The following SLC4A10 variants were observed in gnomAD, a reference collection of about 807,000 sequenced individuals.
SLC4A10 encodes the protein solute carrier family 4 member 10.
A neutral mutation model predicts 137.7 loss-of-function variants in SLC4A10; 42 were observed. That is an observed-to-expected ratio of 0.30 (90% CI 0.24 to 0.39). SLC4A10 has a LOEUF of 0.39. Among genes scored for constraint, SLC4A10 ranks in the 10% least tolerant of loss-of-function variants. The pLI is 1.00. For synonymous variants in SLC4A10, 474 were observed against 464.1 expected, an observed-to-expected ratio of 1.02 and a Z score of -0.27; for missense variants, 925 against 1,355.0, an observed-to-expected ratio of 0.68 and a Z score of 4.98.
intron 5 of SLC4A10, among the ~76,000 whole-genome samples, chr2:161,860,143 A>T (rs1028760950): frequency 1.3e-5 from 2 of 152,150 alleles, no homozygotes; most frequent in African/African-American, 4.8e-5. Context: ...AAAATGAGTA[A>T]TTTTTTCCAG....
At chr2:161,749,712 G>A (rs1394080977) in intron 1 of SLC4A10, among the ~76,000 whole-genome samples, 1 of 151,748 alleles carries the variant, frequency 6.6e-6, no homozygotes, top group East Asian at 1.9e-4. Flanking sequence ...ATAGTGGCCT[G>A]TAGTTGTTTT....
chr2:161,783,774 A>G (rs2053318828), intron 2 of SLC4A10, among the ~76,000 whole-genome samples: 1 of 151,808 alleles, frequency 6.6e-6, no homozygotes, highest in Non-Finnish European at 1.5e-5. Context: ...ATAGAAAGGT[A>G]TCAAAGATTC....
intron 1 of SLC4A10, among the ~76,000 whole-genome samples, chr2:161,765,382 G>A (rs561397408): frequency 6.6e-5 from 10 of 152,124 alleles, no homozygotes; most frequent in South Asian, 4.1e-4. Flanking sequence ...CAAGATAGGC[G>A]GATCACCTGA....
intron 10 of SLC4A10, among the ~76,000 whole-genome samples, chr2:161,894,153 G>T (rs114345196): frequency 0.015 from 2,315 of 152,080 alleles, 56 homozygotes; most frequent in African/African-American, 0.052. Context: ...TTTGGTATCT[G>T]CAGGGAATCC....
At chr2:161,907,291 C>T (rs1387670601) in intron 15 of SLC4A10, among the ~76,000 whole-genome samples, 3 of 152,122 alleles carry the variant, frequency 2.0e-5, no homozygotes, top group African/African-American at 7.2e-5. Flanking sequence ...GTCAGGGACA[C>T]TCAGAAAACA....
At chr2:161,923,219 G>A (rs1688456843) in intron 15 of SLC4A10, among the ~76,000 whole-genome samples, 1 of 152,166 alleles carries the variant, frequency 6.6e-6, no homozygotes. Flanking sequence ...TTGCTTTTCT[G>A]TGGGCAGTAA....
intron 15 of SLC4A10, among the ~76,000 whole-genome samples, chr2:161,924,354 A>G (rs572660611): frequency 6.6e-6 from 1 of 152,220 alleles, no homozygotes; most frequent in South Asian, 2.1e-4. Flanking sequence ...AGCCACCAAG[A>G]GTTGGTACGG....
chr2:161,895,403 T>C (rs1471585982), intron 11 of SLC4A10, among the ~76,000 whole-genome samples: 1 of 152,106 alleles, frequency 6.6e-6, no homozygotes, highest in Non-Finnish European at 1.5e-5. Flanking sequence ...GGCAGCATGA[T>C]TTATAGTCCT....
At chr2:161,913,700 G>A (rs536483765) in intron 15 of SLC4A10, among the ~76,000 whole-genome samples, 2 of 151,502 alleles carry the variant, frequency 1.3e-5, no homozygotes, top group Admixed American at 1.4e-4. Context: ...TTATAGTGAA[G>A]AGTAGAACCC....
intron 1 of SLC4A10, among the ~76,000 whole-genome samples, chr2:161,678,915 A>G (rs2040552447): frequency 6.6e-6 from 1 of 152,152 alleles, no homozygotes. Context: ...ATTGAAACCA[A>G]TATGAATATT....
rs941915544 is a variant in SLC4A10, at chr2:161,983,071, G to C, written c.*27-108G>C. 15 of 909,388 alleles carry C rather than the reference G, an allele frequency of 1.6e-5. No individual in the cohort carries two copies. In the South Asian group the frequency reaches 1.8e-4, roughly 11 times the overall value. 56.3% of individuals were successfully genotyped at this position (909,388 alleles called of 1,614,324 possible). A position where few individuals can be genotyped will look rare whatever the true frequency, so the allele number is the denominator to read the frequency against. On this transcript the variant is annotated intron_variant, in intron 26 of 26. Transcript: ENST00000446997. ...GCAGCATGAGAGAGCAATGCCTACG[G>C]GCTCTTGTGGTGCTTTGGGGTTGAC... is the stretch of plus-strand genomic sequence containing the variant.
intron 1 of SLC4A10, among the ~76,000 whole-genome samples, chr2:161,749,001 T>C (rs2048674783): frequency 6.6e-6 from 1 of 152,050 alleles, no homozygotes; most frequent in African/African-American, 2.4e-5. Context: ...AGTTCTTTGA[T>C]TAAATTTATT....
At chr2:161,792,443 A>G (rs886410266) in intron 2 of SLC4A10, among the ~76,000 whole-genome samples, 5 of 151,336 alleles carry the variant, frequency 3.3e-5, no homozygotes, top group African/African-American at 1.2e-4. Context: ...AGTTTTCTAG[A>G]CATCTGAGAC....
At chr2:161,905,008 C>T (rs1315681487) in intron 14 of SLC4A10, 99 bp downstream of exon 14, 2 of 1,187,034 alleles carry the variant, frequency 1.7e-6, no homozygotes, top group Non-Finnish European at 2.3e-6. Flanking sequence ...TTGATAGAGA[C>T]AGAATTGCCT....
At chr2:161,977,560 T>C (rs1289259151) in intron 25 of SLC4A10, among the ~76,000 whole-genome samples, 162 bp from the exon 26 acceptor site, 1 of 152,226 alleles carries the variant, frequency 6.6e-6, no homozygotes, top group Non-Finnish European at 1.5e-5. Context: ...TAGATGCTGA[T>C]CTGAAGAAAG....
chr2:161,815,717 T>G (rs1272531819), intron 3 of SLC4A10, among the ~76,000 whole-genome samples: 1 of 152,184 alleles, frequency 6.6e-6, no homozygotes, highest in African/African-American at 2.4e-5. Flanking sequence ...CCCTAGGCAC[T>G]GGTATTTTTA....
rs73007062 is a variant in SLC4A10, at chr2:161,652,603, A to C, written c.48+28037A>C. The stretch of plus-strand genomic sequence containing the variant: ...AATATTTTTATTTTATAGTGGCAAG[A>C]ATATTAGCATGAGGTCTACCCTCAA... On this transcript the variant is annotated intron_variant, in intron 1 of 26. Coordinates refer to ENST00000446997, the MANE Select transcript of SLC4A10 (RefSeq NM_001178015.2). 6.7e-3 allele frequency among the ~76,000 whole-genome samples: 1,018 copies of C among 152,300 alleles called. 11 individuals are homozygous for C. The highest frequency in any genetic ancestry group is 0.023 in the African/African-American group (970 of 41,564).
chr2:161,796,320 T>A (rs1233899834), intron 2 of SLC4A10, among the ~76,000 whole-genome samples: 1 of 152,218 alleles, frequency 6.6e-6, no homozygotes, highest in Non-Finnish European at 1.5e-5. Context: ...TCTTCTAATG[T>A]GAATCAGCTG....
chr2:161,692,929 C>CA (rs5835880), intron 1 of SLC4A10, among the ~76,000 whole-genome samples: 123,234 of 149,676 alleles, frequency 0.82, 50,643 homozygotes, highest in African/African-American at 0.85. Context: ...TCTTGGTGAG[C>CA]AAAAAAAAAA....
Sources: gnomAD v4.1 joint callset for allele counts (sites outside exome capture counted in the v4.1 genomes callset) on GRCh38, gnomAD v4.1.1 for gene constraint, MANE v1.5 for transcripts, NCBI Gene and HGNC (gene_info 2026-07-23, HGNC 2026-07-21) for gene names.